Variants in PLCH1 observed in about 807,000 individuals in gnomAD.
PLCH1 encodes phospholipase C eta 1, also known as 1-phosphatidylinositol 4,5-bisphosphate phosphodiesterase eta-1.
A neutral mutation model predicts 126.7 loss-of-function variants in PLCH1; 60 were observed. The observed-to-expected ratio is 0.47, with a 90% confidence interval of 0.38 to 0.59. The LOEUF (loss-of-function observed/expected upper bound fraction) is 0.59, where lower values mean the gene tolerates loss of function less well. PLCH1 is among the 20% of genes least tolerant of loss of function. PLCH1 has a pLI of 0.00. For synonymous variants in PLCH1, 719 were observed against 734.9 expected (o/e 0.98, Z 0.35); for missense variants, 1,723 against 2,040.0 (o/e 0.84, Z 2.99).
At chr3:155,528,861 C>T (rs578050431) in intron 10 of PLCH1, among the ~76,000 whole-genome samples, 1 of 152,254 alleles carries the variant, frequency 6.6e-6, no homozygotes, top group South Asian at 2.1e-4. Context: ...TCAGAGTATT[C>T]ATAAGACAGG....
chr3:155,515,109 A>C (rs538504692), intron 11 of PLCH1, among the ~76,000 whole-genome samples: 96 of 152,310 alleles, frequency 6.3e-4, no homozygotes, highest in African/African-American at 2.1e-3. Context: ...GCTACTCTTC[A>C]TGTGACTGCA....
chr3:155,650,952 C>T (rs756801266), intron 2 of PLCH1, among the ~76,000 whole-genome samples: 5 of 151,916 alleles, frequency 3.3e-5, no homozygotes, highest in Non-Finnish European at 7.4e-5. Context: ...GCAGGAGAAT[C>T]GCTTGAATCT....
chr3:155,475,445 G>A (rs1713498178), downstream of PLCH1, among the ~76,000 whole-genome samples: 1 of 151,614 alleles, frequency 6.6e-6, no homozygotes, highest in African/African-American at 2.4e-5. Flanking sequence ...CCCAAAATTA[G>A]TAGAAAAAAA....
intron 21 of PLCH1, among the ~76,000 whole-genome samples, chr3:155,453,832 T>G (rs1306740254): frequency 1.3e-5 from 2 of 151,616 alleles, no homozygotes; most frequent in South Asian, 4.2e-4. Context: ...AGATATTCTA[T>G]TTCTTCTAAT....
chr3:155,685,496 AAT>A (rs2109025430), intron 2 of PLCH1, among the ~76,000 whole-genome samples: 1 of 152,332 alleles, frequency 6.6e-6, no homozygotes, highest in Admixed American at 6.5e-5. Context: ...GTCAATTCCA[AAT>A]CCAGAAATAA....
chr3:155,456,301 T>C (rs916115948), intron 21 of PLCH1, among the ~76,000 whole-genome samples: 1 of 133,498 alleles, frequency 7.5e-6, no homozygotes, highest in Non-Finnish European at 1.6e-5. Context: ...GGGCCACACA[T>C]AAAATACACT....
At chr3:155,680,763 A>C (rs1030592625) in intron 2 of PLCH1, among the ~76,000 whole-genome samples, 11 of 152,214 alleles carry the variant, frequency 7.2e-5, no homozygotes, top group Admixed American at 5.9e-4. Flanking sequence ...ATATAGAAGG[A>C]AGTATCCTTT....
chr3:155,682,774 C>T (rs913958967), intron 2 of PLCH1, among the ~76,000 whole-genome samples: 1 of 152,174 alleles, frequency 6.6e-6, no homozygotes, highest in African/African-American at 2.4e-5. Context: ...GCAAGAATTG[C>T]TAGACAACAG....
intron 13 of PLCH1, among the ~76,000 whole-genome samples, chr3:155,503,296 G>A (rs1027744880): frequency 1.3e-5 from 2 of 152,026 alleles, no homozygotes; most frequent in African/African-American, 2.4e-5. Flanking sequence ...GCCTGGTTTT[G>A]AATTTAATAT....
At chr3:155,505,353 A>C (rs1003153596) in intron 12 of PLCH1, among the ~76,000 whole-genome samples, 1 of 152,164 alleles carries the variant, frequency 6.6e-6, no homozygotes, top group Admixed American at 6.5e-5. Context: ...TCCACCTGCT[A>C]AGAGAGTTTA....
At chr3:155,738,580 A>AAGAC (rs1418061191) in intron 1 of PLCH1, among the ~76,000 whole-genome samples, 4 of 152,050 alleles carry the variant, frequency 2.6e-5, no homozygotes, top group African/African-American at 9.7e-5. Context: ...TCAGGAGATC[A>AAGAC]AGACCAGCCT....
intron 10 of PLCH1, among the ~76,000 whole-genome samples, chr3:155,541,394 TA>T (rs1401987861): frequency 1.3e-5 from 2 of 152,134 alleles, no homozygotes; most frequent in East Asian, 1.9e-4. Flanking sequence ...AATTAATAAA[TA>T]TTTTTTAAAA....
Position 155,482,079 on chromosome 3 carries a change from T to A in PLCH1, c.3947A>T (p.Asp1316Val), listed in dbSNP as rs1714167746. The A allele has an allele frequency of 6.2e-7, 1 of 1,614,188 alleles. No individual in the cohort carries two copies. Residue 1316 changes from aspartate (D) to valine (V), a missense_variant, in exon 23 of 23, where the codon GAC (aspartate) becomes GTC (valine). Coordinates refer to ENST00000460012, the MANE Select transcript of PLCH1 (RefSeq NM_014996.4). ...GCTGCAGCTCTTCAGTGTTTCCCAGTCTTCTCCCTTGGTAGGACTTTTTGG... is the reference window on the plus strand; with the variant it reads ...GCTGCAGCTCTTCAGTGTTTCCCAGACTTCTCCCTTGGTAGGACTTTTTGG... The part of the protein sequence containing the change: ...WLPKSPTKGE[D>V]WETLKSCSPA...
At chr3:155,716,326 G>A (rs938218638) in intron 1 of PLCH1, among the ~76,000 whole-genome samples, 1 of 148,046 alleles carries the variant, frequency 6.8e-6, no homozygotes, top group African/African-American at 2.5e-5. Context: ...GTTAGGAGGT[G>A]TGATCTTCAT....
chr3:155,703,686 TG>T (rs1053574230), intron 2 of PLCH1, among the ~76,000 whole-genome samples: 7 of 152,172 alleles, frequency 4.6e-5, no homozygotes, highest in African/African-American at 1.7e-4. Flanking sequence ...GCAATAAAAG[TG>T]GGTGGACTTC....
chr3:155,719,872 T>G (rs1224081913), intron 1 of PLCH1, among the ~76,000 whole-genome samples: 1 of 152,116 alleles, frequency 6.6e-6, no homozygotes, highest in Non-Finnish European at 1.5e-5. Context: ...CTTGGCTCAC[T>G]GCAACTTCCG....
chr3:155,685,245 T>G (rs1328182094), intron 2 of PLCH1, among the ~76,000 whole-genome samples: 1 of 152,198 alleles, frequency 6.6e-6, no homozygotes, highest in African/African-American at 2.4e-5. Flanking sequence ...GTTGCTCAAT[T>G]GTGAGATACG....
chr3:155,633,429 C>T (rs1738302249), intron 2 of PLCH1, among the ~76,000 whole-genome samples: 1 of 148,374 alleles, frequency 6.7e-6, no homozygotes, highest in African/African-American at 2.6e-5. Flanking sequence ...CACACACACA[C>T]ACACACACAC....
intron 2 of PLCH1, among the ~76,000 whole-genome samples, chr3:155,699,069 T>A (rs552143075): frequency 6.6e-6 from 1 of 151,848 alleles, no homozygotes; most frequent in Admixed American, 6.6e-5. Context: ...TGATAATATT[T>A]TTAATCTTTT....
Sources: allele counts gnomAD v4.1 joint callset (sites outside exome capture counted in the v4.1 genomes callset), GRCh38; gene constraint gnomAD v4.1.1; transcripts MANE v1.5; gene names NCBI Gene and HGNC (gene_info 2026-07-23, HGNC 2026-07-21).